The following TTC29 variants were observed in gnomAD, a reference collection of about 807,000 sequenced individuals.
TTC29 encodes tetratricopeptide repeat protein 29.
TTC29 carries 49 observed loss-of-function variants against 58.1 expected under a neutral mutation model. The ratio of observed to expected loss-of-function variants is 0.84; its 90% CI spans 0.67 to 1.07. The LOEUF is 1.07. Ranked by LOEUF, TTC29 falls within the 50% of genes least tolerant of loss-of-function variation. TTC29 has a pLI of 0.00. For synonymous variants in TTC29, 209 were observed against 196.8 expected (o/e 1.06, Z -0.52); for missense variants, 582 against 555.6 (o/e 1.05, Z -0.48).
At chr4:146,717,649 C>T (rs974889165) in intron 11 of TTC29, among the ~76,000 whole-genome samples, 3 of 151,942 alleles carry the variant, frequency 2.0e-5, no homozygotes, top group Admixed American at 1.3e-4. Flanking sequence ...TTATGGGGTA[C>T]AAAGTGATGT....
intron 5 of TTC29, among the ~76,000 whole-genome samples, chr4:146,904,929 T>C (rs1472726798): frequency 3.9e-5 from 6 of 152,214 alleles, no homozygotes; most frequent in African/African-American, 1.4e-4. Flanking sequence ...AAACCGATTC[T>C]ATTCCTTTAC....
At chr4:146,842,936 AC>A (rs1311744378) in intron 8 of TTC29, among the ~76,000 whole-genome samples, 2 of 152,116 alleles carry the variant, frequency 1.3e-5, no homozygotes, top group East Asian at 1.9e-4. Flanking sequence ...TGGCAATCTA[AC>A]CCCCTTTAGC....
intron 11 of TTC29, among the ~76,000 whole-genome samples, chr4:146,753,838 G>A (rs994966023): frequency 1.3e-5 from 2 of 151,942 alleles, no homozygotes; most frequent in Non-Finnish European, 2.9e-5. Context: ...TTCACTCATA[G>A]GTGGGAATTG....
At chr4:146,770,431 C>CTT (rs5862769) in intron 11 of TTC29, among the ~76,000 whole-genome samples, 3 of 146,876 alleles carry the variant, frequency 2.0e-5, no homozygotes, top group Admixed American at 6.9e-5. Flanking sequence ...AACGTTTTCA[C>CTT]TTTTTTTTTT....
chr4:146,719,073 AT>A (rs1181778210), intron 11 of TTC29, among the ~76,000 whole-genome samples: 1 of 151,652 alleles, frequency 6.6e-6, no homozygotes, highest in Non-Finnish European at 1.5e-5. Context: ...CAATAACTCT[AT>A]TTTTTGCCAG....
chr4:146,937,503 G>C (rs1039883480), intron 4 of TTC29, 91 bp downstream of exon 4: 2 of 832,104 alleles, frequency 2.4e-6, no homozygotes, highest in African/African-American at 3.6e-5. Context: ...CAATGAAAAA[G>C]TATATTACAC....
chr4:146,874,676 C>A (rs1190890139), intron 7 of TTC29, 40 bp downstream of exon 7: 2 of 1,460,714 alleles, frequency 1.4e-6, no homozygotes, highest in East Asian at 4.7e-5. Flanking sequence ...AGTGTCTACC[C>A]ATTAAAGAAA....
chr4:146,815,993 T>G (rs1207832852), intron 10 of TTC29, among the ~76,000 whole-genome samples: 2 of 152,212 alleles, frequency 1.3e-5, no homozygotes, highest in Non-Finnish European at 2.9e-5. Flanking sequence ...TGCATTTTCT[T>G]AATGTTTTTG....
chr4:146,797,832 TTATATATATATA>T (rs70958528), intron 11 of TTC29, among the ~76,000 whole-genome samples: 8,262 of 130,060 alleles, frequency 0.064, 936 homozygotes, highest in African/African-American at 0.23. Flanking sequence ...TTACTTTGTT[TTATATATATATA>T]TATATATATA....
chr4:146,817,663 T>C (rs952698949), intron 10 of TTC29, among the ~76,000 whole-genome samples: 6 of 152,120 alleles, frequency 3.9e-5, no homozygotes, highest in East Asian at 3.9e-4. Context: ...GGAGGCATCA[T>C]GCTACCTGAC....
chr4:146,934,649 G>A (rs1350635674), intron 4 of TTC29, among the ~76,000 whole-genome samples: 1 of 151,606 alleles, frequency 6.6e-6, no homozygotes, highest in Non-Finnish European at 1.5e-5. Flanking sequence ...CAGCCTTTGG[G>A]CACCTCACCA....
chr4:146,887,310 T>C (rs1469631394), intron 6 of TTC29, among the ~76,000 whole-genome samples: 1 of 152,142 alleles, frequency 6.6e-6, no homozygotes, highest in South Asian at 2.1e-4. Flanking sequence ...ATGAAAAAAA[T>C]ACTCAGTCTC....
chr4:146,914,337 C>T lies in TTC29; in HGVS notation c.177-5088G>A, dbSNP rs143382708. ...AATATAAACAAAACTCAGATTTATT[C>T]GCTTAATCATTATTTCATTTGGCCA... On this transcript the variant is annotated intron_variant, in intron 4 of 12. Coordinates refer to ENST00000325106, the MANE Select transcript of TTC29 (RefSeq NM_031956.4). Among the ~76,000 whole-genome samples, 150 of 152,178 alleles carry T rather than the reference C, an allele frequency of 9.9e-4. 2 individuals are homozygous for T. Among genetic ancestry groups the T allele is most frequent in the South Asian group, 2.9e-3 (14 of 4,828 alleles).
chr4:146,727,645 T>C (rs1387074891), intron 11 of TTC29, among the ~76,000 whole-genome samples: 4 of 152,334 alleles, frequency 2.6e-5, no homozygotes, highest in East Asian at 1.9e-4. Flanking sequence ...CATTTAAGAT[T>C]CCTCCATATC....
chr4:146,903,781 A>T, intron 5 of TTC29, 52 bp from the exon 6 acceptor site: 2 of 1,353,236 alleles, frequency 1.5e-6, no homozygotes, highest in Non-Finnish European at 2.0e-6. Flanking sequence ...GTCTCATGGC[A>T]CACCCTTTAG....
At chr4:146,803,114 G>A (rs1750347346) in intron 11 of TTC29, among the ~76,000 whole-genome samples, 1 of 151,752 alleles carries the variant, frequency 6.6e-6, no homozygotes, top group Admixed American at 6.6e-5. Flanking sequence ...TTTCAGTAAG[G>A]TATAACATGG....
At chr4:146,804,525 C>T (rs1004598303) in intron 10 of TTC29, among the ~76,000 whole-genome samples, 3 of 152,128 alleles carry the variant, frequency 2.0e-5, no homozygotes, top group Non-Finnish European at 4.4e-5. Context: ...TGAAGTCAAC[C>T]TGGGATGCTC....
chr4:146,844,949 G>A (rs781038390), intron 8 of TTC29, among the ~76,000 whole-genome samples: 15 of 152,188 alleles, frequency 9.9e-5, no homozygotes, highest in East Asian at 1.9e-4. Flanking sequence ...CAACTGACTC[G>A]TGTCAGCAGA....
At chr4:146,944,933 T>C (rs774247861) in intron 2 of TTC29, 98 bp downstream of exon 2, 2 of 152,262 alleles carry the variant, frequency 1.3e-5, no homozygotes, top group Non-Finnish European at 1.5e-5. Context: ...GTAAAATAAA[T>C]AGAAAACACA....
Sources: allele counts gnomAD v4.1 joint callset (sites outside exome capture counted in the v4.1 genomes callset), GRCh38; gene constraint gnomAD v4.1.1; transcripts MANE v1.5; gene names NCBI Gene and HGNC (gene_info 2026-07-23, HGNC 2026-07-21).